TMEM114: variants seen among roughly 807,000 people sequenced by gnomAD.
The protein encoded by TMEM114 is transmembrane protein 114.
TMEM114 carries 6 observed loss-of-function variants against 6.2 expected under a neutral mutation model. The observed-to-expected ratio is 0.97, with a 90% CI of 0.53 to 1.91. The LOEUF (loss-of-function observed/expected upper bound fraction) is 1.91. TMEM114 is among the 40% of genes most tolerant of loss of function. The probability of loss-of-function intolerance (pLI) is 0.01; values close to 1 mark genes in which losing one functional copy is unlikely to be tolerated. For missense variants in TMEM114, 218 were observed against 158.3 expected (o/e 1.38, Z -2.02); for synonymous variants, 104 against 73.0 (o/e 1.42, Z -2.16).
At chr16:8,561,039 G>C (rs555432331) in intron 2 of TMEM114, among the ~76,000 whole-genome samples, 1 of 152,318 alleles carries the variant, frequency 6.6e-6, no homozygotes, top group Admixed American at 6.5e-5. Context: ...GGTTTCTTAA[G>C]ACTTATTCGC....
chr16:8,579,798 C>A (rs920563695), intron 2 of TMEM114, among the ~76,000 whole-genome samples: 6 of 152,216 alleles, frequency 3.9e-5, no homozygotes, highest in East Asian at 1.9e-4. Flanking sequence ...ATATCAACTA[C>A]CCCAAGAGCC....
At chr16:8,559,436 C>T (rs1469382134) in intron 2 of TMEM114, among the ~76,000 whole-genome samples, 1 of 152,146 alleles carries the variant, frequency 6.6e-6, no homozygotes, top group East Asian at 1.9e-4. Flanking sequence ...CTGCTTCAAG[C>T]ATTACAGGTG....
chr16:8,580,438 G>A (rs1902099056), intron 2 of TMEM114, among the ~76,000 whole-genome samples: 1 of 148,990 alleles, frequency 6.7e-6, no homozygotes, highest in Non-Finnish European at 1.5e-5. Context: ...AGTGAGGCGA[G>A]ATCACACCAC....
intron 2 of TMEM114, among the ~76,000 whole-genome samples, chr16:8,555,692 A>G (rs1191232866): frequency 1.3e-5 from 2 of 152,174 alleles, no homozygotes; most frequent in African/African-American, 4.8e-5. Context: ...GGTAATTCTC[A>G]ACCAGGACAA....
chr16:8,563,046 AAATTG>A (rs1250444334), intron 2 of TMEM114, among the ~76,000 whole-genome samples: 3,947 of 83,274 alleles, frequency 0.047, 488 homozygotes, highest in Middle Eastern at 0.12. Flanking sequence ...GTGAATGAGT[AAATTG>A]AGTGAATGAG....
At chr16:8,571,186 C>T (rs1050214982) in intron 3 of TMEM114, among the ~76,000 whole-genome samples, 2 of 151,658 alleles carry the variant, frequency 1.3e-5, no homozygotes, top group East Asian at 1.9e-4. Context: ...CAGCCAGCCA[C>T]GTGCCAGGTC....
chr16:8,581,781 T>A (rs1323715364), intron 2 of TMEM114, among the ~76,000 whole-genome samples: 2 of 152,202 alleles, frequency 1.3e-5, no homozygotes, highest in Admixed American at 1.3e-4. Context: ...AAATTTGAAC[T>A]TTTGTTAGTT....
chr16:8,578,461 A>G (rs545716094), intron 2 of TMEM114, among the ~76,000 whole-genome samples: 1 of 152,080 alleles, frequency 6.6e-6, no homozygotes, highest in African/African-American at 2.4e-5. Context: ...TTGTCATAGG[A>G]TTTAGGGCCC....
intron 2 of TMEM114, among the ~76,000 whole-genome samples, chr16:8,557,386 A>G (rs1256750543): frequency 1.3e-5 from 2 of 152,094 alleles, no homozygotes; most frequent in African/African-American, 4.8e-5. Context: ...GCCATATGGA[A>G]AGGCCCCGAG....
chr16:8,548,599 A>ACCC (rs1175211866), intron 2 of TMEM114, among the ~76,000 whole-genome samples: 2 of 151,374 alleles, frequency 1.3e-5, no homozygotes, highest in Non-Finnish European at 2.9e-5. Flanking sequence ...GACCTTTTTC[A>ACCC]CCCCCTAAGA....
intron 2 of TMEM114, among the ~76,000 whole-genome samples, chr16:8,562,901 T>A (rs1348751740): frequency 6.8e-6 from 1 of 147,798 alleles, no homozygotes; most frequent in Non-Finnish European, 1.5e-5. Context: ...AATGAGTGAA[T>A]GAGTGAGTGA....
chr16:8,572,303 A>G (rs1169171535), intron 2 of TMEM114, 79 bp from the exon 3 acceptor site: 14 of 1,497,226 alleles, frequency 9.4e-6, no homozygotes, highest in Non-Finnish European at 1.3e-5. Flanking sequence ...CTTCCCGAGC[A>G]CCTACTAGAG....
intron 3 of TMEM114, among the ~76,000 whole-genome samples, chr16:8,571,161 A>G (rs945649899): frequency 6.6e-6 from 1 of 151,176 alleles, no homozygotes; most frequent in African/African-American, 2.4e-5. Context: ...ACAGGGATAC[A>G]GACAGCCTTT....
chr16:8,552,943 C>A (rs1175921258), intron 2 of TMEM114, among the ~76,000 whole-genome samples: 1 of 152,178 alleles, frequency 6.6e-6, no homozygotes, highest in Non-Finnish European at 1.5e-5. Context: ...ACTTAAGCTG[C>A]CTGTATTTAA....
chr16:8,546,690 G>T (rs183439316), intron 2 of TMEM114, among the ~76,000 whole-genome samples: 6 of 152,180 alleles, frequency 3.9e-5, no homozygotes, highest in Non-Finnish European at 8.8e-5. Context: ...AAGCTAACCA[G>T]ATACCCCTAC....
rs975797935 is a variant in TMEM114, at chr16:8,590,405, A to C, written c.-567T>G. Among the ~76,000 whole-genome samples the C allele has an allele frequency of 1.4e-3, 216 of 152,102 alleles. No homozygotes were observed. The highest frequency in any genetic ancestry group is 0.014 in the Middle Eastern group (4 of 294). On this transcript the variant is annotated 5_prime_UTR_variant, in exon 1 of 4. Coordinates refer to ENST00000620492, the MANE Select transcript of TMEM114 (RefSeq NM_001146336.2). ...CTTTTTCTTGGCCCCACACTGCCAGATCCCCACTCCCAGCCCTGCTCTCCA... is the reference window on the plus strand; with the variant it reads ...CTTTTTCTTGGCCCCACACTGCCAGCTCCCCACTCCCAGCCCTGCTCTCCA...
chr16:8,546,068 T>C (rs766229732), intron 2 of TMEM114, among the ~76,000 whole-genome samples: 2 of 152,120 alleles, frequency 1.3e-5, no homozygotes, highest in Admixed American at 1.3e-4. Flanking sequence ...TGAGCTATGA[T>C]CATGTCACTG....
At chr16:8,573,775 G>A (rs2141687113) in intron 2 of TMEM114, among the ~76,000 whole-genome samples, 1 of 152,264 alleles carries the variant, frequency 6.6e-6, no homozygotes, top group South Asian at 2.1e-4. Flanking sequence ...CCAGTCAAGT[G>A]CCCTTCCTCT....
rs1220927310 is a variant in TMEM114 at position 8,562,976 on chromosome 16, TGGAG to T, written n.213-25154_213-25151del. ...AGTGAGTGAATGAGTGAGAGAGTGA[TGGAG>T]GGAAGGAGTGAGTGAATGAGTGAGT... On this transcript the variant is annotated intron_variant and non_coding_transcript_variant, in intron 2 of 2. Transcript: ENST00000623677. Among the ~76,000 whole-genome samples the T allele has an allele frequency of 1.2e-4, 4 of 32,416 alleles. 1 individual carries two copies. Among genetic ancestry groups the T allele is most frequent in the Non-Finnish European group, 2.8e-4 (4 of 14,094 alleles). The allele number at this position is 32,416 out of a possible 152,430, so 21.3% of individuals were successfully genotyped here.
Sources: allele counts gnomAD v4.1 joint callset (sites outside exome capture counted in the v4.1 genomes callset), GRCh38; gene constraint gnomAD v4.1.1; transcripts MANE v1.5; gene names NCBI Gene and HGNC (gene_info 2026-07-23, HGNC 2026-07-21).